The following PTTG1IP2 variants were observed in gnomAD, a reference collection of about 807,000 sequenced individuals.
PTTG1IP2 encodes PTTG1IP family member 2.
intron 2 of PTTG1IP2, among the ~76,000 whole-genome samples, chr7:90,482,842 T>A (rs1245919402): frequency 3.9e-5 from 6 of 152,156 alleles, no homozygotes; most frequent in Admixed American, 2.6e-4. Context: ...TGTGACCTGA[T>A]ATGGATGGTT....
At chr7:90,497,900 GTGGGTTATTGAAGTCCCCT>G (rs1798015034) in intron 6 of PTTG1IP2, among the ~76,000 whole-genome samples, 1 of 152,000 alleles carries the variant, frequency 6.6e-6, no homozygotes, top group Non-Finnish European at 1.5e-5. Flanking sequence ...ATTGTTGAGA[GTGGGTTATTGAAGTCCCCT>G]ACTATTACTG....
At chr7:90,470,363 C>G (rs889240987) in intron 1 of PTTG1IP2, 2 of 152,112 alleles carry the variant, frequency 1.3e-5, no homozygotes, top group Non-Finnish European at 2.9e-5. Flanking sequence ...GTTTGGAGGC[C>G]TCTCTCGATT....
rs1798210480 is a variant in PTTG1IP2 at position 90,513,359 on chromosome 7, A to G, written c.*132A>G. Reference sequence around the variant, plus strand: ...AAATTCCCTGAAGTTAAAATTTTAAATTCTATTAAACATTTTTTCGAGTAT... The same window carrying G: ...AAATTCCCTGAAGTTAAAATTTTAAGTTCTATTAAACATTTTTTCGAGTAT... On this transcript the variant is annotated 3_prime_UTR_variant, in exon 7 of 7. Coordinates refer to ENST00000509356, the MANE Select transcript of PTTG1IP2 (RefSeq NM_001365443.2). The G allele has an allele frequency of 6.6e-6, 1 of 152,638 alleles. No individual in the cohort carries two copies. The highest frequency in any genetic ancestry group is 6.5e-5 in the Admixed American group (1 of 15,278). 9.5% of individuals were successfully genotyped at this position (152,638 alleles called of 1,614,324 possible). A position where few individuals can be genotyped will look rare whatever the true frequency, so the allele number is the denominator to read the frequency against.
intron 2 of PTTG1IP2, among the ~76,000 whole-genome samples, chr7:90,485,780 A>G (rs1797867637): frequency 6.6e-6 from 1 of 152,146 alleles, no homozygotes; most frequent in Non-Finnish European, 1.5e-5. Context: ...TCAGCTTAGC[A>G]CTTAAGTGCG....
At chr7:90,472,948 G>T (rs1423209539) in intron 1 of PTTG1IP2, among the ~76,000 whole-genome samples, 2 of 152,148 alleles carry the variant, frequency 1.3e-5, no homozygotes, top group African/African-American at 4.8e-5. Flanking sequence ...ACCACTTCTG[G>T]CTGAGGTAAA....
rs201002304 is a variant in PTTG1IP2, at chr7:90,475,150, AAG to A, written c.146-4077_146-4076del. 8.8e-3 allele frequency among the ~76,000 whole-genome samples: 1,342 copies of A among 152,292 alleles called. 18 individuals carry two copies. The highest frequency in any genetic ancestry group is 0.011 in the Non-Finnish European group (751 of 68,018). ...GAATGCAGCCAGATGAACTGGAGCT[AAG>A]GAACCCAGGACTAAGAGCTTATGAA... On this transcript the variant is annotated intron_variant, in intron 1 of 6. Coordinates refer to ENST00000509356, the MANE Select transcript of PTTG1IP2 (RefSeq NM_001365443.2).
intron 6 of PTTG1IP2, among the ~76,000 whole-genome samples, chr7:90,507,101 C>T (rs1798132963): frequency 6.6e-6 from 1 of 152,116 alleles, no homozygotes; most frequent in African/African-American, 2.4e-5. Context: ...TTGGGAGGAC[C>T]AGCACTTGTT....
intron 6 of PTTG1IP2, among the ~76,000 whole-genome samples, chr7:90,498,279 C>T (rs1277433834): frequency 6.6e-6 from 1 of 152,170 alleles, no homozygotes; most frequent in African/African-American, 2.4e-5. Flanking sequence ...CCCTTTATTA[C>T]TATATTATAA....
intron 1 of PTTG1IP2, among the ~76,000 whole-genome samples, chr7:90,473,731 C>G (rs1003610762): frequency 6.6e-6 from 1 of 152,140 alleles, no homozygotes; most frequent in South Asian, 2.1e-4. Context: ...TACTTAGCTG[C>G]GCCTCTCTGA....
chr7:90,471,568 G>C (rs1440062777), intron 1 of PTTG1IP2, among the ~76,000 whole-genome samples: 2 of 152,228 alleles, frequency 1.3e-5, no homozygotes, highest in Non-Finnish European at 2.9e-5. Flanking sequence ...AAGGGGCATA[G>C]TGCAAAAAAT....
intron 2 of PTTG1IP2, among the ~76,000 whole-genome samples, chr7:90,480,984 A>G (rs778120661): frequency 6.6e-6 from 1 of 152,170 alleles, no homozygotes; most frequent in African/African-American, 2.4e-5. Context: ...TTTTGTTCTT[A>G]TAAACTGATA....
chr7:90,506,703 G>C (rs1181848761), intron 6 of PTTG1IP2, among the ~76,000 whole-genome samples: 3 of 152,060 alleles, frequency 2.0e-5, no homozygotes, highest in East Asian at 3.9e-4. Context: ...AGAGATGAAG[G>C]CTGCAGCAAG....
chr7:90,488,749 TATC>T (rs1304211344), intron 3 of PTTG1IP2, 119 bp from the exon 4 acceptor site: 1 of 152,082 alleles, frequency 6.6e-6, no homozygotes, highest in African/African-American at 2.4e-5. Context: ...TATGTTATTG[TATC>T]ATTACTTTCA....
In PTTG1IP2 at chr7:90,490,272, A is replaced by T. The variant is rs1797922973; in HGVS notation, c.380+1308A>T. Among the ~76,000 whole-genome samples, 4 of 152,154 alleles carry T rather than the reference A, an allele frequency of 2.6e-5. No homozygotes were observed. The South Asian group carries it at 6.2e-4, about 24-fold the overall frequency. ...AAATTAGTTTTTTCTCCTTCATCCC[A>T]GTATGATATTATTTTCTTTCTTCAG... On this transcript the variant is annotated intron_variant, in intron 4 of 6. Transcript: ENST00000509356.
intron 5 of PTTG1IP2, chr7:90,494,109 C>A (rs948778884): frequency 2.0e-5 from 3 of 152,200 alleles, no homozygotes; most frequent in African/African-American, 7.2e-5. Flanking sequence ...TAAGCATCCA[C>A]AGCTTTTCTG....
At position 90,502,805 on chromosome 7, in the gene PTTG1IP2, C is replaced by T. The variant is rs17865915; in HGVS notation, c.*50+8375C>T. 1.3e-3 allele frequency among the ~76,000 whole-genome samples: 195 copies of T among 152,160 alleles called. 1 individual carries two copies. The highest frequency in any genetic ancestry group is 4.4e-3 in the African/African-American group (184 of 41,494). Reference sequence around the variant, plus strand: ...GCTTTGGCATTCCATTTATAGAGTGCGGGCAAGTAGATTTAGCATAATTCT... The same window carrying T: ...GCTTTGGCATTCCATTTATAGAGTGTGGGCAAGTAGATTTAGCATAATTCT... On this transcript the variant is annotated intron_variant, in intron 6 of 6. Transcript: ENST00000509356.
At chr7:90,492,437 A>G (rs957402825) in intron 5 of PTTG1IP2, 128 bp downstream of exon 5, 1 of 152,212 alleles carries the variant, frequency 6.6e-6, no homozygotes, top group African/African-American at 2.4e-5. Context: ...TGTAATCTCA[A>G]TGTTTTGAAA....
At chr7:90,498,793 T>C (rs1798026497) in intron 6 of PTTG1IP2, among the ~76,000 whole-genome samples, 1 of 152,216 alleles carries the variant, frequency 6.6e-6, no homozygotes, top group African/African-American at 2.4e-5. Flanking sequence ...TATCTGGTAA[T>C]GGTATTTAAC....
intron 1 of PTTG1IP2, among the ~76,000 whole-genome samples, chr7:90,477,970 G>C (rs1441780211): frequency 6.6e-6 from 1 of 151,716 alleles, no homozygotes; most frequent in Non-Finnish European, 1.5e-5. Context: ...GGTGGCAGGT[G>C]CCTGTAGTCC....
Sources: gnomAD v4.1 joint callset for allele counts (sites outside exome capture counted in the v4.1 genomes callset) on GRCh38, gnomAD v4.1.1 for gene constraint, MANE v1.5 for transcripts, NCBI Gene and HGNC (gene_info 2026-07-23, HGNC 2026-07-21) for gene names.